Variants in CDK8 observed in about 807,000 individuals in gnomAD.
CDK8 encodes the protein cyclin dependent kinase 8.
CDK8 carries 29 observed loss-of-function variants against 71.5 expected under a neutral mutation model. That is an observed-to-expected ratio of 0.41 (90% CI 0.30 to 0.55). CDK8 has a LOEUF of 0.55. Among genes scored for constraint, CDK8 ranks in the 20% least tolerant of loss-of-function variants. The probability of loss-of-function intolerance (pLI) is 0.37; values close to 1 mark genes in which losing one functional copy is unlikely to be tolerated. For missense variants in CDK8, 288 were observed against 572.6 expected, an observed-to-expected ratio of 0.50 and a Z score of 5.07; for synonymous variants, 161 against 192.1, an observed-to-expected ratio of 0.84 and a Z score of 1.34.
At position 26,325,818 on chromosome 13, in the gene CDK8, G is replaced by T. The variant is rs190746740; in HGVS notation, c.129-11749G>T. On this transcript the variant is annotated intron_variant, in intron 1 of 12. Coordinates refer to ENST00000381527, the MANE Select transcript of CDK8 (RefSeq NM_001260.3). ...TTCCCTCCTTTTGGCCAGATTCAGG[G>T]TATTCAGATCATTGTTCAATGAAAT... Among the ~76,000 whole-genome samples, 9 of 152,234 alleles carry T rather than the reference G, an allele frequency of 5.9e-5. No homozygotes were observed. In the East Asian group the frequency reaches 7.7e-4, roughly 13 times the overall value.
intron 4 of CDK8, among the ~76,000 whole-genome samples, chr13:26,380,494 G>T (rs1875168975): frequency 6.6e-6 from 1 of 151,104 alleles, no homozygotes; most frequent in Non-Finnish European, 1.5e-5. Flanking sequence ...TTTTGTATTT[G>T]TTTTTTTGAG....
chr13:26,403,816 C>A, intron 12 of CDK8, 140 bp from the exon 13 acceptor site: 1 of 1,021,946 alleles, frequency 9.8e-7, no homozygotes, highest in East Asian at 2.4e-5. Context: ...GGGTTTTTGT[C>A]TTTAATTATA....
chr13:26,317,825 G>A lies in CDK8; in HGVS notation c.129-19742G>A, dbSNP rs559234179. On this transcript the variant is annotated intron_variant, in intron 1 of 12. Coordinates refer to ENST00000381527, the MANE Select transcript of CDK8 (RefSeq NM_001260.3). ...AAGGGGGAAGTTTATAGCTATAAAC[G>A]CCTACCTTAAAAAACAAGAAAGATC... 1.2e-4 allele frequency among the ~76,000 whole-genome samples: 18 copies of A among 152,136 alleles called. No homozygotes were observed. In the South Asian group the frequency reaches 3.1e-3, roughly 26 times the overall value.
chr13:26,358,235 C>G (rs762659711), intron 4 of CDK8, among the ~76,000 whole-genome samples: 20 of 151,996 alleles, frequency 1.3e-4, no homozygotes, highest in Non-Finnish European at 2.6e-4. Context: ...GGAGGCAGAG[C>G]TTGCAGTGAG....
At chr13:26,257,142 A>G (rs528792862) in intron 1 of CDK8, among the ~76,000 whole-genome samples, 2 of 152,322 alleles carry the variant, frequency 1.3e-5, no homozygotes, top group East Asian at 1.9e-4. Context: ...ATTACATTAT[A>G]TATTCTGCAG....
chr13:26,369,884 A>G (rs1874585968), intron 4 of CDK8, among the ~76,000 whole-genome samples: 1 of 151,860 alleles, frequency 6.6e-6, no homozygotes, highest in South Asian at 2.1e-4. Context: ...TATCATTTCA[A>G]TTTCTTTAGT....
At chr13:26,348,920 T>C in intron 2 of CDK8, 152 bp from the exon 3 acceptor site, 1 of 649,676 alleles carries the variant, frequency 1.5e-6, no homozygotes, top group East Asian at 2.7e-5. Context: ...CATTTGTTAC[T>C]GAAGTATCCG....
intron 1 of CDK8, among the ~76,000 whole-genome samples, chr13:26,309,956 A>T (rs922723059): frequency 6.6e-6 from 1 of 151,976 alleles, no homozygotes; most frequent in Admixed American, 6.6e-5. Context: ...GGGTTTCACC[A>T]TGTTGGCCAG....
chr13:26,396,468 A>C (rs991100578), intron 8 of CDK8, 114 bp downstream of exon 8: 2 of 376,020 alleles, frequency 5.3e-6, no homozygotes, highest in African/African-American at 4.2e-5. Flanking sequence ...CTAATAAATA[A>C]TTTTACTTAT....
rs1283422199 is a variant in CDK8 at position 26,254,408 on chromosome 13, G to T, written c.-234G>T. The T allele has an allele frequency of 5.2e-6, 2 of 383,764 alleles. No individual in the cohort carries two copies. Among genetic ancestry groups the T allele is most frequent in the Admixed American group, 4.8e-5 (1 of 20,978 alleles). The allele number at this position is 383,764 out of a possible 1,614,324, so 23.8% of individuals were successfully genotyped here. On this transcript the variant is annotated 5_prime_UTR_variant, in exon 1 of 13. Coordinates refer to ENST00000381527, the MANE Select transcript of CDK8 (RefSeq NM_001260.3). This position sits in a 1 kb window ranked among gnomAD's most constrained non-coding sequence, Gnocchi z 6.7. ...CGTCCCTCGGCTCTCCTTCGCCGGG[G>T]GATCCTCCCCGTTCCTCCACCCCCG...
intron 1 of CDK8, among the ~76,000 whole-genome samples, chr13:26,285,984 C>T (rs1172716730): frequency 6.6e-6 from 1 of 152,108 alleles, no homozygotes; most frequent in African/African-American, 2.4e-5. Context: ...AGGAAAACTG[C>T]AAAACATTGC....
chr13:26,349,271 C>T, intron 3 of CDK8, 89 bp downstream of exon 3: 1 of 744,644 alleles, frequency 1.3e-6, no homozygotes. Context: ...TATTATGAGA[C>T]TTATGTTTTT....
chr13:26,362,172 A>G (rs960164545), intron 4 of CDK8, among the ~76,000 whole-genome samples: 28 of 152,244 alleles, frequency 1.8e-4, no homozygotes, highest in Admixed American at 1.5e-3. Context: ...CTCCAGAGAA[A>G]CAGAGTCAAT....
intron 2 of CDK8, among the ~76,000 whole-genome samples, chr13:26,346,133 G>A (rs1214199833): frequency 3.3e-5 from 5 of 152,176 alleles, no homozygotes. Flanking sequence ...CACTTCCTAG[G>A]AATGTAACCT....
At chr13:26,331,801 T>G (rs1057295424) in intron 1 of CDK8, among the ~76,000 whole-genome samples, 1 of 152,186 alleles carries the variant, frequency 6.6e-6, no homozygotes, top group Non-Finnish European at 1.5e-5. Flanking sequence ...GGGGCTCTTT[T>G]TTGGTTCCAT....
Position 26,401,216 on chromosome 13 carries a change from T to C in CDK8, c.1032-53T>C. 7.6e-7 allele frequency: 1 copy of C among 1,322,052 alleles called. No individual in the cohort carries two copies. The highest frequency in any genetic ancestry group is 1.2e-5 in the South Asian group (1 of 81,456). The allele number at this position is 1,322,052 out of a possible 1,614,324, so 81.9% of individuals were successfully genotyped here. On this transcript the variant is annotated intron_variant, in intron 10 of 12. Transcript: ENST00000381527. The surrounding 1 kb of genome is among the most constrained non-coding windows in gnomAD (Gnocchi z 4.5). ...AAATGAGAATCTCCTAAATGAAGCA[T>C]TTGGAATATTGATTAGTATACCAGA...
chr13:26,325,472 G>A (rs1041025767), intron 1 of CDK8, among the ~76,000 whole-genome samples: 5 of 152,160 alleles, frequency 3.3e-5, no homozygotes, highest in African/African-American at 1.2e-4. Flanking sequence ...CACCAGGAGT[G>A]CACCTGTAGC....
chr13:26,373,284 TCTTC>T (rs1236477619), intron 4 of CDK8, among the ~76,000 whole-genome samples: 1 of 152,210 alleles, frequency 6.6e-6, no homozygotes, highest in Non-Finnish European at 1.5e-5. Context: ...CTAATGTCTG[TCTTC>T]CTTATGTGAT....
Position 26,349,071 on chromosome 13 carries a change from G to A in CDK8, c.205-1G>A, listed in dbSNP as rs1343150278. ...GTTAATGCATCTCCTTTGTTTTGCA[G>A]TTACTTCGAGAGCTTAAGCATCCAA... On this transcript the variant is annotated splice_acceptor_variant, in intron 2 of 12. Coordinates refer to ENST00000381527, the MANE Select transcript of CDK8 (RefSeq NM_001260.3). LOFTEE classifies it high-confidence loss of function. 6.3e-7 allele frequency: 1 copy of A among 1,576,994 alleles called. No homozygotes were observed. The highest frequency in any genetic ancestry group is 1.7e-5 in the Admixed American group (1 of 59,720).
Sources: gnomAD v4.1 joint callset for allele counts (sites outside exome capture counted in the v4.1 genomes callset) on GRCh38, gnomAD v4.1.1 for gene constraint, Gnocchi (gnomAD v3.1) non-coding constraint, MANE v1.5 for transcripts, NCBI Gene and HGNC (gene_info 2026-07-23, HGNC 2026-07-21) for gene names.